The following FNDC1 variants were observed in gnomAD, a reference collection of about 807,000 sequenced individuals.
The protein encoded by FNDC1 is fibronectin type III domain containing 1.
In FNDC1, 96 loss-of-function variants were observed where a neutral mutation model predicts 168.0. The ratio of observed to expected loss-of-function variants is 0.57; its 90% confidence interval spans 0.48 to 0.68. The LOEUF (loss-of-function observed/expected upper bound fraction) is 0.68. FNDC1 is among the 30% of genes least tolerant of loss of function. FNDC1 has a pLI of 0.00. For missense variants in FNDC1, 2,587 were observed against 2,482.1 expected, an observed-to-expected ratio of 1.04 and a Z score of -0.90; for synonymous variants, 1,099 against 1,025.9, an observed-to-expected ratio of 1.07 and a Z score of -1.36.
chr6:159,210,282 CG>C (rs1562638315), intron 4 of FNDC1, among the ~76,000 whole-genome samples: 1 of 152,184 alleles, frequency 6.6e-6, no homozygotes, highest in African/African-American at 2.4e-5. Context: ...AGAGCTGCTA[CG>C]GAGAGAGCTA....
rs1270884547 is a variant in FNDC1 at position 159,232,935 on chromosome 6, T to C, written c.2423T>C (p.Leu808Pro). The change falls in exon 11 of 23, where the codon CTG (leucine) becomes CCG (proline). Residue 808 changes from leucine to proline, a missense_variant. Coordinates refer to ENST00000297267, the MANE Select transcript of FNDC1 (RefSeq NM_032532.3). The surrounding 1 kb of genome is among the most constrained non-coding windows in gnomAD (Gnocchi z 4.9). The part of the protein sequence containing the change: ...GRQAEATAQT[L>P]RARPASGHFH... Reference sequence around the variant, plus strand: ...CAGGCGGAGGCCACGGCCCAGACGCTGCGGGCCCGGCCTGCCTCTGGACAC... The same window carrying C: ...CAGGCGGAGGCCACGGCCCAGACGCCGCGGGCCCGGCCTGCCTCTGGACAC... The C allele has an allele frequency of 6.2e-7, 1 of 1,610,264 alleles. No homozygotes were observed. Among genetic ancestry groups the C allele is most frequent in the Non-Finnish European group, 8.5e-7 (1 of 1,179,336 alleles).
chr6:159,202,824 GAT>G (rs1171956271), intron 4 of FNDC1, among the ~76,000 whole-genome samples: 1 of 152,182 alleles, frequency 6.6e-6, no homozygotes, highest in Non-Finnish European at 1.5e-5. Context: ...GAGAAAGAAA[GAT>G]AACAAACAAA....
chr6:159,259,917 C>A (rs1777450834), intron 18 of FNDC1, among the ~76,000 whole-genome samples: 2 of 152,190 alleles, frequency 1.3e-5, no homozygotes, highest in Non-Finnish European at 2.9e-5. Flanking sequence ...TGTTCTGAGG[C>A]CAGAGACTGC....
In FNDC1 at chr6:159,238,157, G is replaced by C. The variant is rs530469641; in HGVS notation, c.4069-397G>C. On this transcript the variant is annotated intron_variant, in intron 12 of 22. Coordinates refer to ENST00000297267, the MANE Select transcript of FNDC1 (RefSeq NM_032532.3). ...CTGTCACACAGGCTGGAGTGCAGTG[G>C]CGCGATCTCGGCTCACTGCAGGCTC... is the stretch of plus-strand genomic sequence containing the variant. Among the ~76,000 whole-genome samples the C allele has an allele frequency of 7.3e-3, 1,110 of 151,272 alleles. 16 individuals carry two copies. The highest frequency in any genetic ancestry group is 0.026 in the African/African-American group (1,065 of 41,232).
intron 14 of FNDC1, among the ~76,000 whole-genome samples, chr6:159,240,578 C>G (rs1178679952): frequency 2.0e-5 from 3 of 152,194 alleles, no homozygotes; most frequent in Non-Finnish European, 2.9e-5. Flanking sequence ...GGAGTGTGGG[C>G]TTTCCACTGG....
chr6:159,271,762 C>T lies in FNDC1; in HGVS notation c.*320C>T, dbSNP rs555786203. 1.7e-5 allele frequency: 4 copies of T among 239,674 alleles called. No individual in the cohort carries two copies. Among genetic ancestry groups the T allele is most frequent in the Middle Eastern group, 1.6e-3 (1 of 640 alleles). The allele number at this position is 239,674 out of a possible 1,614,324, so 14.8% of individuals were successfully genotyped here. ...TTCCAGACTTTTTAGGCATGAAATT[C>T]GGACACTTCAGTATTTCCAGGAATA... On this transcript the variant is annotated 3_prime_UTR_variant, in exon 23 of 23. Coordinates refer to ENST00000297267, the MANE Select transcript of FNDC1 (RefSeq NM_032532.3).
At position 159,233,671 on chromosome 6, in the gene FNDC1, G is replaced by A. The variant is rs765369296; in HGVS notation, c.3159G>A (p.Ser1053=). The A allele has an allele frequency of 2.6e-6, 4 of 1,550,254 alleles. No homozygotes were observed. Among genetic ancestry groups the A allele is most frequent in the South Asian group, 2.4e-5 (2 of 84,142 alleles). ...CGCAGGGCCGCTCCCACTCCTCCTC[G>A]GACCCTTACACGGCGAGCTCCAGAG... The part of the protein sequence containing the change: ...PTSQGRSHSS[S]DPYTASSRGM... The change falls in exon 11 of 23, where the codon TCG becomes TCA. Residue 1053 remains serine, a synonymous_variant. Coordinates refer to ENST00000297267, the MANE Select transcript of FNDC1 (RefSeq NM_032532.3). This position sits in a 1 kb window ranked among gnomAD's most constrained non-coding sequence, Gnocchi z 4.6.
At chr6:159,240,435 T>G (rs1031277252) in intron 14 of FNDC1, among the ~76,000 whole-genome samples, 38 of 152,228 alleles carry the variant, frequency 2.5e-4, no homozygotes, top group African/African-American at 9.2e-4. Flanking sequence ...GTTGTAATAC[T>G]TAGATCACTG....
chr6:159,171,803 A>T (rs573427705), intron 1 of FNDC1, among the ~76,000 whole-genome samples: 1 of 152,212 alleles, frequency 6.6e-6, no homozygotes, highest in Non-Finnish European at 1.5e-5. Context: ...ACATATTTGC[A>T]GTGGGTATCT....
chr6:159,177,550 T>A, intron 1 of FNDC1, among the ~76,000 whole-genome samples: 1 of 151,956 alleles, frequency 6.6e-6, no homozygotes, highest in East Asian at 1.9e-4. Flanking sequence ...CTGGGGCAGG[T>A]GGGCTCACTG....
At chr6:159,268,027 G>A (rs1314489040) in intron 22 of FNDC1, 101 bp downstream of exon 22, 12 of 1,244,890 alleles carry the variant, frequency 9.6e-6, no homozygotes, top group Admixed American at 2.4e-5. Context: ...CTTGTCATTC[G>A]AAGATGGATG....
chr6:159,229,761 G>C, intron 9 of FNDC1, 54 bp from the exon 10 acceptor site: 1 of 1,514,742 alleles, frequency 6.6e-7, no homozygotes, highest in Non-Finnish European at 9.0e-7. Context: ...CTGTCTGCTG[G>C]ACACAGGACT....
chr6:159,196,187 A>G (rs1175865384), intron 1 of FNDC1, among the ~76,000 whole-genome samples: 1 of 152,228 alleles, frequency 6.6e-6, no homozygotes, highest in African/African-American at 2.4e-5. Context: ...ACAGGTTTAC[A>G]GGAACCTCAC....
intron 9 of FNDC1, among the ~76,000 whole-genome samples, chr6:159,228,031 A>G (rs1341368750): frequency 2.4e-5 from 3 of 122,594 alleles, no homozygotes; most frequent in Admixed American, 7.3e-5. Context: ...AAATTGAATA[A>G]AGACTTTTTT....
In FNDC1 at chr6:159,232,742, G is replaced by T. The variant is rs1385404597; in HGVS notation, c.2230G>T (p.Gly744Trp). ...PHLSSPLSKG[G>W]KDGEDAPATN... ...CCTGAGCTCTCCACTTTCCAAGGGCGGGAAGGATGGTGAGGACGCCCCAGC... is the reference window on the plus strand; with the variant it reads ...CCTGAGCTCTCCACTTTCCAAGGGCTGGAAGGATGGTGAGGACGCCCCAGC... Residue 744 changes from glycine (G) to tryptophan (W), a missense_variant, in exon 11 of 23, where the codon GGG becomes TGG. Gly to Trp is a radical substitution (Grantham distance 184). Coordinates refer to ENST00000297267, the MANE Select transcript of FNDC1 (RefSeq NM_032532.3). This position sits in a 1 kb window ranked among gnomAD's most constrained non-coding sequence, Gnocchi z 4.9. The T allele has an allele frequency of 1.9e-6, 3 of 1,613,888 alleles. No homozygotes were observed. In the East Asian group the frequency reaches 6.7e-5, roughly 36 times the overall value.
intron 18 of FNDC1, among the ~76,000 whole-genome samples, chr6:159,259,700 C>G (rs1777446063): frequency 6.6e-6 from 1 of 152,186 alleles, no homozygotes. Context: ...ACAACCACTG[C>G]ATAAAAGTAC....
At chr6:159,195,285 T>G (rs1373897412) in intron 1 of FNDC1, among the ~76,000 whole-genome samples, 1 of 152,024 alleles carries the variant, frequency 6.6e-6, no homozygotes, top group Non-Finnish European at 1.5e-5. Context: ...AGAGAGAACA[T>G]CACTCACTTA....
intron 1 of FNDC1, among the ~76,000 whole-genome samples, chr6:159,187,701 G>A (rs931785123): frequency 2.6e-5 from 4 of 152,056 alleles, no homozygotes; most frequent in African/African-American, 9.7e-5. Flanking sequence ...TTTCTGGGTG[G>A]GGTCTGGGTC....
chr6:159,212,702 G>T (rs567281505), intron 4 of FNDC1, among the ~76,000 whole-genome samples: 4 of 152,092 alleles, frequency 2.6e-5, no homozygotes. Context: ...TCTCTTGTCC[G>T]TTTGCTACCT....
Sources: allele counts gnomAD v4.1 joint callset (sites outside exome capture counted in the v4.1 genomes callset), GRCh38; gene constraint gnomAD v4.1.1; non-coding constraint Gnocchi (gnomAD v3.1); transcripts MANE v1.5; gene names NCBI Gene and HGNC (gene_info 2026-07-23, HGNC 2026-07-21).